Variants in TAOK1 observed in about 807,000 individuals in gnomAD.
The protein encoded by TAOK1 is TAO kinase 1.
In TAOK1, 21 loss-of-function variants were observed where a neutral mutation model predicts 138.3. That is an observed-to-expected ratio of 0.15 (90% CI 0.11 to 0.22). The LOEUF is 0.22. Among genes scored for constraint, TAOK1 ranks in the 10% least tolerant of loss-of-function variants. TAOK1 has a pLI of 1.00. For missense variants in TAOK1, 651 were observed against 1,227.7 expected (o/e 0.53, Z 7.02); for synonymous variants, 361 against 398.4 (o/e 0.91, Z 1.12).
At chr17:29,494,636 C>A (rs755562694) in intron 10 of TAOK1, among the ~76,000 whole-genome samples, 39 of 152,066 alleles carry the variant, frequency 2.6e-4, no homozygotes, top group Admixed American at 7.2e-4. Flanking sequence ...ACCATCCTGG[C>A]TAACACGGTG....
intron 1 of TAOK1, among the ~76,000 whole-genome samples, chr17:29,394,844 C>A (rs929300707): frequency 2.6e-5 from 4 of 152,340 alleles, no homozygotes; most frequent in Non-Finnish European, 5.9e-5. Context: ...CCTGTAATGC[C>A]AGCGCTTTGG....
At chr17:29,422,236 C>T (rs975373470) in intron 1 of TAOK1, among the ~76,000 whole-genome samples, 4 of 151,014 alleles carry the variant, frequency 2.6e-5, no homozygotes, top group Non-Finnish European at 4.4e-5. Context: ...TGGAGTCTCG[C>T]TCTGTCGCCC....
chr17:29,508,166 T>C (rs752426892), intron 14 of TAOK1, 34 bp downstream of exon 14: 18 of 1,582,914 alleles, frequency 1.1e-5, no homozygotes, highest in East Asian at 2.2e-5. Flanking sequence ...TTGCTTATTT[T>C]AGGTTTTGAA....
chr17:29,442,739 A>G (rs1055149316), intron 1 of TAOK1, among the ~76,000 whole-genome samples: 2 of 152,176 alleles, frequency 1.3e-5, no homozygotes, highest in Non-Finnish European at 2.9e-5. Context: ...TATCCATACA[A>G]TAGGATACTG....
intron 1 of TAOK1, among the ~76,000 whole-genome samples, chr17:29,446,578 A>C (rs1323924389): frequency 6.6e-6 from 1 of 152,034 alleles, no homozygotes; most frequent in Non-Finnish European, 1.5e-5. Context: ...GTCTTTTTCT[A>C]ATTTTCCTCA....
At chr17:29,496,604 TAA>T (rs1555565225) in intron 11 of TAOK1, among the ~76,000 whole-genome samples, 24 of 113,292 alleles carry the variant, frequency 2.1e-4, no homozygotes, top group South Asian at 1.2e-3. Flanking sequence ...TTTTTTTTTT[TAA>T]AGACAGGGTC....
chr17:29,544,992 T>G lies in TAOK1; in HGVS notation c.*1970T>G, dbSNP rs1285884423. 3 of 152,198 alleles carry G rather than the reference T, an allele frequency of 2.0e-5. No individual in the cohort carries two copies. Among genetic ancestry groups the G allele is most frequent in the Non-Finnish European group, 4.4e-5 (3 of 68,034 alleles). The allele number at this position is 152,198 out of a possible 1,614,324, so 9.4% of individuals were successfully genotyped here. The stretch of plus-strand genomic sequence containing the variant: ...GCCATGAATCCTCACCTGTAGGAGT[T>G]TCTGGGATTCATTTTAAGGAAACTG... On this transcript the variant is annotated 3_prime_UTR_variant, in exon 20 of 20. Transcript: ENST00000261716.
intron 2 of TAOK1, among the ~76,000 whole-genome samples, chr17:29,461,258 T>C (rs1275270674): frequency 6.6e-6 from 1 of 152,194 alleles, no homozygotes; most frequent in Non-Finnish European, 1.5e-5. Flanking sequence ...GATAATGATA[T>C]TATATCAGTG....
chr17:29,452,253 TGAAA>T (rs1057153935), intron 2 of TAOK1, among the ~76,000 whole-genome samples: 142 of 152,004 alleles, frequency 9.3e-4, no homozygotes, highest in African/African-American at 3.0e-3. Flanking sequence ...AATAAACAAA[TGAAA>T]GAAAGAAAAA....
rs182925147 is a variant in TAOK1, at chr17:29,452,267, A to T, written c.132+587A>T. 6.5e-3 allele frequency among the ~76,000 whole-genome samples: 996 copies of T among 152,252 alleles called. 5 individuals are homozygous for T. Among genetic ancestry groups the T allele is most frequent in the Non-Finnish European group, 0.011 (780 of 68,008 alleles). ...AAATAAACAAATGAAAGAAAGAAAAAGAAAAAAATTTGCTTTAACTTATGT... is the reference window on the plus strand; with the variant it reads ...AAATAAACAAATGAAAGAAAGAAAATGAAAAAAATTTGCTTTAACTTATGT... On this transcript the variant is annotated intron_variant, in intron 2 of 19. Transcript: ENST00000261716.
chr17:29,503,788 A>C (rs1348659351), intron 13 of TAOK1, among the ~76,000 whole-genome samples: 1 of 152,042 alleles, frequency 6.6e-6, no homozygotes, highest in East Asian at 1.9e-4. Context: ...CAGCCTGGGC[A>C]ACATGGTGAA....
chr17:29,399,012 GTC>G (rs1301905101), intron 1 of TAOK1, among the ~76,000 whole-genome samples: 1 of 149,312 alleles, frequency 6.7e-6, no homozygotes, highest in African/African-American at 2.5e-5. Context: ...TTGAGACAGG[GTC>G]TCACTCCTGT....
At chr17:29,482,382 T>A in intron 8 of TAOK1, 94 bp downstream of exon 8, 1 of 1,004,150 alleles carries the variant, frequency 1.0e-6, no homozygotes, top group Non-Finnish European at 1.5e-6. Context: ...ATTTTTATCT[T>A]AAATGTCACT....
chr17:29,530,400 T>G lies in TAOK1; in HGVS notation c.2149-7T>G, dbSNP rs2032081913. ...ACTTACATAAATGTATTTTTTTTTC[T>G]TCCCAGTCTAAAGAACTCCAAATAA... On this transcript the variant is annotated splice_region_variant and splice_polypyrimidine_tract_variant and intron_variant, in intron 17 of 19. Transcript: ENST00000261716. 1 of 1,612,006 alleles carries G rather than the reference T, an allele frequency of 6.2e-7. No individual in the cohort carries two copies. Among genetic ancestry groups the G allele is most frequent in the Middle Eastern group, 1.7e-4 (1 of 6,054 alleles).
intron 1 of TAOK1, among the ~76,000 whole-genome samples, chr17:29,432,152 G>C (rs1465097477): frequency 1.3e-5 from 2 of 152,188 alleles, no homozygotes; most frequent in African/African-American, 4.8e-5. Context: ...GCCTCAAACA[G>C]AGTTTTACCC....
intron 3 of TAOK1, among the ~76,000 whole-genome samples, chr17:29,470,533 T>G (rs1229985117): frequency 1.0e-5 from 1 of 97,696 alleles, no homozygotes; most frequent in African/African-American, 4.6e-5. Context: ...TCAATAAAAC[T>G]GTATTAAAAA....
rs71138823 is a variant in TAOK1 at position 29,487,246 on chromosome 17, CAAAAAAAAAA to C, written c.656-2398_656-2389del. ...GGGCAACAGAGCGAGACTGTGTCTC[CAAAAAAAAAA>C]AAAAAAAAAAAAAAAAAAAGTATTA... is the stretch of plus-strand genomic sequence containing the variant. On this transcript the variant is annotated intron_variant, in intron 8 of 19. Coordinates refer to ENST00000261716, the MANE Select transcript of TAOK1 (RefSeq NM_020791.4). 1.7e-4 allele frequency among the ~76,000 whole-genome samples: 15 copies of C among 90,278 alleles called. No individual in the cohort carries two copies. In the South Asian group the frequency reaches 1.9e-3, roughly 11 times the overall value. 59.2% of individuals were successfully genotyped at this position (90,278 alleles called of 152,430 possible).
chr17:29,480,607 A>T (rs1198202621), intron 7 of TAOK1, 126 bp downstream of exon 7: 2 of 729,292 alleles, frequency 2.7e-6, no homozygotes, highest in Non-Finnish European at 4.3e-6. Flanking sequence ...AATGGCTCAC[A>T]CCTGTAATCC....
At chr17:29,398,855 T>G (rs895685060) in intron 1 of TAOK1, among the ~76,000 whole-genome samples, 1 of 152,016 alleles carries the variant, frequency 6.6e-6, no homozygotes, top group Admixed American at 6.6e-5. Flanking sequence ...TAGTATATAC[T>G]GGGTTGTTTA....
Sources: gnomAD v4.1 joint callset for allele counts (sites outside exome capture counted in the v4.1 genomes callset) on GRCh38, gnomAD v4.1.1 for gene constraint, MANE v1.5 for transcripts, NCBI Gene and HGNC (gene_info 2026-07-23, HGNC 2026-07-21) for gene names.